HGF: variants seen among roughly 807,000 people sequenced by gnomAD.
HGF encodes hepatocyte growth factor.
A neutral mutation model predicts 111.6 loss-of-function variants in HGF; 39 were observed. The observed-to-expected ratio is 0.35, with a 90% CI of 0.27 to 0.46. HGF has a LOEUF of 0.46. Ranked by LOEUF, HGF falls within the 20% of genes least tolerant of loss-of-function variation. HGF has a pLI of 1.00. For synonymous variants in HGF, 285 were observed against 294.8 expected, an observed-to-expected ratio of 0.97 and a Z score of 0.34; for missense variants, 735 against 910.5, an observed-to-expected ratio of 0.81 and a Z score of 2.48.
chr7:81,734,181 T>C (rs577218510), intron 7 of HGF, among the ~76,000 whole-genome samples: 1 of 152,252 alleles, frequency 6.6e-6, no homozygotes, highest in Non-Finnish European at 1.5e-5. Flanking sequence ...TTTGCAATCA[T>C]GTCTACCCAG....
chr7:81,744,334 A>G (rs932905491), intron 6 of HGF, among the ~76,000 whole-genome samples: 19 of 151,518 alleles, frequency 1.3e-4, no homozygotes, highest in African/African-American at 4.1e-4. Flanking sequence ...GAGATGGGTA[A>G]TAATTTAAGC....
At chr7:81,762,263 T>C (rs1789123351) in intron 2 of HGF, among the ~76,000 whole-genome samples, 1 of 152,210 alleles carries the variant, frequency 6.6e-6, no homozygotes, top group East Asian at 1.9e-4. Flanking sequence ...ACTAATTCTC[T>C]CAACACCTTT....
chr7:81,705,439 T>G lies in HGF; in HGVS notation c.1961A>C (p.Glu654Ala). ...QHHRGKVTLN[E>A]SEICAGAEKI... ...TTCAGCCCCAGCACATATTTCAGACTCATTCAGAGTCACCTTCCCTCGATG... is the reference window on the plus strand; with the variant it reads ...TTCAGCCCCAGCACATATTTCAGACGCATTCAGAGTCACCTTCCCTCGATG... The change falls in exon 17 of 18, where the codon GAG becomes GCG. Residue 654 changes from glutamate to alanine, a missense_variant. Transcript: ENST00000222390. 6.2e-7 allele frequency: 1 copy of G among 1,612,960 alleles called. No individual in the cohort carries two copies. The highest frequency in any genetic ancestry group is 2.2e-5 in the East Asian group (1 of 44,850).
Position 81,720,791 on chromosome 7 carries a change from C to T in HGF, c.1225G>A (p.Gly409Arg). ...TTGTCCCACATTGAACATGTTAGTC[C>T]AGATCTTGTTTGGGATAAGTTGCCC... is the stretch of plus-strand genomic sequence containing the variant. ...YMGNLSQTRS[G>R]LTCSMWDKNM... The change falls in exon 10 of 18, where the codon GGA becomes AGA. Residue 409 changes from glycine to arginine, a missense_variant. Around this residue, in one of 3 missense-constraint regions of HGF, gnomAD observed 553 missense variants for 685.6 expected, o/e 0.81. Transcript: ENST00000222390. The T allele has an allele frequency of 6.2e-7, 1 of 1,613,352 alleles. No homozygotes were observed. The highest frequency in any genetic ancestry group is 8.5e-7 in the Non-Finnish European group (1 of 1,179,414).
At chr7:81,710,349 T>G in intron 12 of HGF, 106 bp from the exon 13 acceptor site, 1 of 787,730 alleles carries the variant, frequency 1.3e-6, no homozygotes. Flanking sequence ...TAACTATTCT[T>G]ATTGTGTCCA....
At chr7:81,761,657 G>C (rs1014030509) in intron 2 of HGF, among the ~76,000 whole-genome samples, 4 of 152,012 alleles carry the variant, frequency 2.6e-5, no homozygotes, top group Non-Finnish European at 4.4e-5. Flanking sequence ...CAGTTTAGGA[G>C]ACGATTCGAA....
At chr7:81,727,033 CTG>C (rs1415051116) in intron 8 of HGF, among the ~76,000 whole-genome samples, 3 of 123,452 alleles carry the variant, frequency 2.4e-5, no homozygotes, top group Non-Finnish European at 4.9e-5. Flanking sequence ...CCATTCGAAA[CTG>C]AGGTTTTTTT....
intron 6 of HGF, 111 bp from the exon 7 acceptor site, chr7:81,743,582 G>A (rs1327298437): frequency 3.8e-6 from 3 of 792,872 alleles, no homozygotes; most frequent in South Asian, 2.7e-5. Context: ...GCTGGGGAAA[G>A]AGGACGTTTT....
chr7:81,746,565 A>G (rs930161135), intron 5 of HGF, among the ~76,000 whole-genome samples: 1 of 152,186 alleles, frequency 6.6e-6, no homozygotes, highest in East Asian at 1.9e-4. Flanking sequence ...GTTGGATGAA[A>G]TGTACAATAG....
At chr7:81,763,814 T>G (rs561807135) in intron 1 of HGF, among the ~76,000 whole-genome samples, 1 of 152,244 alleles carries the variant, frequency 6.6e-6, no homozygotes, top group Admixed American at 6.5e-5. Flanking sequence ...TTTTCAAACA[T>G]GCTTATACCA....
chr7:81,708,682 A>G (rs538718104), intron 13 of HGF, among the ~76,000 whole-genome samples: 24 of 151,720 alleles, frequency 1.6e-4, no homozygotes, highest in African/African-American at 5.6e-4. Context: ...ACCTCAAGTG[A>G]TACACCTGCC....
chr7:81,705,355 A>G (rs2115758398), intron 17 of HGF, 35 bp downstream of exon 17: 1 of 1,596,154 alleles, frequency 6.3e-7, no homozygotes, highest in Non-Finnish European at 8.6e-7. Context: ...TAAGCTATGA[A>G]TCACATACTC....
intron 7 of HGF, among the ~76,000 whole-genome samples, chr7:81,731,904 G>A (rs1351184928): frequency 6.6e-6 from 1 of 152,110 alleles, no homozygotes; most frequent in African/African-American, 2.4e-5. Flanking sequence ...CCTCAGTCAG[G>A]ACTAAGTCCT....
intron 4 of HGF, chr7:81,756,316 A>G (rs950190910): frequency 1.7e-5 from 8 of 458,590 alleles, no homozygotes; most frequent in Non-Finnish European, 3.1e-5. Context: ...AACAAGGTAC[A>G]GTGCTCAGCA....
intron 7 of HGF, among the ~76,000 whole-genome samples, chr7:81,733,690 A>C (rs1480937984): frequency 6.6e-6 from 1 of 152,118 alleles, no homozygotes; most frequent in Non-Finnish European, 1.5e-5. Context: ...TAGTACGACA[A>C]GGTAACTAAA....
At chr7:81,746,950 G>A (rs937055601) in intron 5 of HGF, among the ~76,000 whole-genome samples, 1 of 152,074 alleles carries the variant, frequency 6.6e-6, no homozygotes, top group Non-Finnish European at 1.5e-5. Context: ...AGTGGGTCTG[G>A]GCTGGGGCAC....
chr7:81,704,897 T>C (rs1167633698), intron 17 of HGF, among the ~76,000 whole-genome samples: 1 of 151,826 alleles, frequency 6.6e-6, no homozygotes, highest in East Asian at 1.9e-4. Context: ...CTTTGACCTT[T>C]AGGCTTTTTA....
In HGF at chr7:81,744,112, C is replaced by T. The variant is rs5745671; in HGVS notation, c.747-641G>A. On this transcript the variant is annotated intron_variant, in intron 6 of 17. Coordinates refer to ENST00000222390, the MANE Select transcript of HGF (RefSeq NM_000601.6). ...AGTTTTAATTTCATTAAAAATAACA[C>T]CAAACAAAAAAGAATAGAGAAAAAG... is the stretch of plus-strand genomic sequence containing the variant. Among the ~76,000 whole-genome samples the T allele has an allele frequency of 8.1e-3, 1,230 of 151,952 alleles. 8 individuals carry two copies. The highest frequency in any genetic ancestry group is 0.013 in the Non-Finnish European group (885 of 67,946).
At position 81,717,320 on chromosome 7, in the gene HGF, G is replaced by T; in HGVS notation, c.1317C>A (p.Tyr439Ter). The change falls in exon 11 of 18, where the codon TAC becomes TAA. Residue 439 changes from tyrosine to a stop codon, truncating the protein, a stop_gained. Coordinates refer to ENST00000222390, the MANE Select transcript of HGF (RefSeq NM_000601.6). LOFTEE classifies it high-confidence loss of function. ...GAGCATCATCATCTGGATTTCGGCA[G>T]TAATTCTCATTCAGCTTACTTGCAT... ...EPDASKLNEN[Y>*]CRNPDDDAHG... The T allele has an allele frequency of 6.2e-7, 1 of 1,613,584 alleles. No individual in the cohort carries two copies. Among genetic ancestry groups the T allele is most frequent in the Non-Finnish European group, 8.5e-7 (1 of 1,179,528 alleles).
Sources: gnomAD v4.1 joint callset for allele counts (sites outside exome capture counted in the v4.1 genomes callset) on GRCh38, gnomAD v4.1.1 for gene constraint, gnomAD v4.1.1 regional missense constraint, MANE v1.5 for transcripts, NCBI Gene and HGNC (gene_info 2026-07-23, HGNC 2026-07-21) for gene names.